Variants in LMNTD1 observed in about 807,000 individuals in gnomAD.
LMNTD1 encodes the protein lamin tail domain-containing protein 1.
Under a neutral mutation model 50.9 loss-of-function variants are expected in LMNTD1, and 35 were observed. That is an observed-to-expected ratio of 0.69 (90% CI 0.53 to 0.91). LMNTD1 has a LOEUF of 0.91. LMNTD1 is among the 40% of genes least tolerant of loss of function. The pLI, the probability that LMNTD1 is intolerant of heterozygous loss-of-function variation, is 0.00. For missense variants in LMNTD1, 470 were observed against 475.5 expected (o/e 0.99, Z 0.11); for synonymous variants, 153 against 161.9 (o/e 0.94, Z 0.42).
intron 1 of LMNTD1, among the ~76,000 whole-genome samples, chr12:25,560,587 A>G (rs1944262552): frequency 6.6e-6 from 1 of 152,138 alleles, no homozygotes; most frequent in Non-Finnish European, 1.5e-5. Flanking sequence ...GAAGAAAGTC[A>G]TTGGTAGCTT....
rs547005496 is a variant in LMNTD1 at position 25,483,802 on chromosome 12, C to T, written c.*23-7342G>A. On this transcript the variant is annotated intron_variant, in intron 9 of 9. Coordinates refer to ENST00000458174, the MANE Select transcript of LMNTD1 (RefSeq NM_001145728.2). ...AAAAAAAAAAAGAATGCATAGTTGA[C>T]GGTTAAAGCTTAAGTTCCTTGGGTA... 4.6e-5 allele frequency among the ~76,000 whole-genome samples: 7 copies of T among 151,292 alleles called. No homozygotes were observed. In the East Asian group the frequency reaches 7.7e-4, roughly 17 times the overall value.
chr12:25,610,952 TG>T (rs542731300), intron 1 of LMNTD1, among the ~76,000 whole-genome samples: 1 of 152,018 alleles, frequency 6.6e-6, no homozygotes, highest in South Asian at 2.1e-4. Flanking sequence ...GTCACAACTG[TG>T]GGGGTGAGAG....
intron 4 of LMNTD1, among the ~76,000 whole-genome samples, chr12:25,545,928 T>A (rs1014982725): frequency 5.3e-5 from 8 of 151,666 alleles, no homozygotes; most frequent in Admixed American, 5.3e-4. Context: ...TTTATTTTAG[T>A]CTTAATATCA....
chr12:25,487,277 T>G (rs9739487), intron 9 of LMNTD1, among the ~76,000 whole-genome samples: 19,075 of 115,098 alleles, frequency 0.17, 1,981 homozygotes, highest in Non-Finnish European at 0.2. Context: ...CGAAGTCTCT[T>G]TGTAGGTCAC....
chr12:25,556,435 ACCT>A (rs1365363009), upstream of LMNTD1, among the ~76,000 whole-genome samples: 2 of 152,152 alleles, frequency 1.3e-5, no homozygotes, highest in South Asian at 2.1e-4. Flanking sequence ...TATTAGAGAG[ACCT>A]CCTCACTGTA....
intron 1 of LMNTD1, among the ~76,000 whole-genome samples, chr12:25,565,544 T>C (rs1944522893): frequency 6.6e-6 from 1 of 152,086 alleles, no homozygotes; most frequent in South Asian, 2.1e-4. Context: ...TATTGTACTG[T>C]CTGTGTCATG....
rs1456875184 is a variant in LMNTD1, at chr12:25,538,731, T to C, written c.491+7643A>G. Among the ~76,000 whole-genome samples the C allele has an allele frequency of 7.5e-5, 8 of 106,276 alleles. No individual in the cohort carries two copies. The South Asian group carries it at 1.8e-3, about 24-fold the overall frequency. The allele number at this position is 106,276 out of a possible 152,430, so 69.7% of individuals were successfully genotyped here. On this transcript the variant is annotated intron_variant, in intron 4 of 9. Transcript: ENST00000458174. Reference sequence around the variant, plus strand: ...CAAATTCACACATAACACTATTAACTTTAAATGTAAATGGACTAAATGCCC... The same window carrying C: ...CAAATTCACACATAACACTATTAACCTTAAATGTAAATGGACTAAATGCCC...
chr12:25,494,753 G>T (rs560710330), intron 9 of LMNTD1, among the ~76,000 whole-genome samples: 2 of 152,146 alleles, frequency 1.3e-5, no homozygotes, highest in East Asian at 3.9e-4. Flanking sequence ...GTATTTTGAG[G>T]TATGTATACA....
chr12:25,479,894 C>T (rs1938391576), intron 9 of LMNTD1, among the ~76,000 whole-genome samples: 1 of 152,182 alleles, frequency 6.6e-6, no homozygotes, highest in Non-Finnish European at 1.5e-5. Flanking sequence ...AAATTGGGCA[C>T]TCAGCAGTGG....
intron 1 of LMNTD1, among the ~76,000 whole-genome samples, chr12:25,620,563 A>G (rs1385095918): frequency 2.0e-5 from 3 of 152,188 alleles, no homozygotes; most frequent in Admixed American, 2.0e-4. Context: ...GCCACATCAA[A>G]AACTCTGCTG....
intron 9 of LMNTD1, among the ~76,000 whole-genome samples, chr12:25,502,622 A>C (rs1939453091): frequency 6.6e-6 from 1 of 152,202 alleles, no homozygotes; most frequent in Admixed American, 6.5e-5. Context: ...GCCCTAAAGG[A>C]AAATGGTTGG....
At chr12:25,587,912 A>C (rs1945590144) in intron 1 of LMNTD1, among the ~76,000 whole-genome samples, 2 of 152,164 alleles carry the variant, frequency 1.3e-5, no homozygotes, top group South Asian at 4.1e-4. Flanking sequence ...TAACTCACTT[A>C]TGTATAATTG....
chr12:25,607,273 C>CA (rs567279478), intron 1 of LMNTD1, among the ~76,000 whole-genome samples: 3 of 152,050 alleles, frequency 2.0e-5, no homozygotes, highest in Non-Finnish European at 2.9e-5. Flanking sequence ...TTGATCTTTT[C>CA]AAAAAACCAG....
At chr12:25,545,189 A>C (rs543707609) in intron 4 of LMNTD1, among the ~76,000 whole-genome samples, 186 of 151,774 alleles carry the variant, frequency 1.2e-3, no homozygotes, top group African/African-American at 4.4e-3. Flanking sequence ...TGTTTGGGAA[A>C]GATTTTATCT....
At chr12:25,557,470 AAATAACTGTCT>A (rs978246991), upstream of LMNTD1, 2 of 152,178 alleles carry the variant, frequency 1.3e-5, no homozygotes, top group Non-Finnish European at 2.9e-5. Flanking sequence ...CAATAGTTCA[AAATAACTGTCT>A]AATTACTTTA....
chr12:25,641,843 C>A (rs1030170751), intron 1 of LMNTD1, among the ~76,000 whole-genome samples: 10 of 152,060 alleles, frequency 6.6e-5, no homozygotes, highest in Admixed American at 6.6e-4. Flanking sequence ...GCTTTCCCAT[C>A]CTAATTTTTT....
intron 1 of LMNTD1, among the ~76,000 whole-genome samples, chr12:25,583,037 G>A (rs1222404344): frequency 6.9e-6 from 1 of 145,326 alleles, no homozygotes; most frequent in East Asian, 2.1e-4. Context: ...TTTTTGAGAC[G>A]GAGTCTCGAT....
At chr12:25,527,868 AAAC>A (rs1370893499) in intron 4 of LMNTD1, among the ~76,000 whole-genome samples, 1 of 151,464 alleles carries the variant, frequency 6.6e-6, no homozygotes, top group African/African-American at 2.4e-5. Context: ...AATTTTTTTA[AAAC>A]ATATTTGAAG....
At chr12:25,638,249 CAG>C (rs1946878623) in intron 1 of LMNTD1, among the ~76,000 whole-genome samples, 1 of 152,008 alleles carries the variant, frequency 6.6e-6, no homozygotes, top group Non-Finnish European at 1.5e-5. Context: ...CGGTGAAAGA[CAG>C]AATGTTTTCC....
Sources: gnomAD v4.1 joint callset for allele counts (sites outside exome capture counted in the v4.1 genomes callset) on GRCh38, gnomAD v4.1.1 for gene constraint, MANE v1.5 for transcripts, NCBI Gene and HGNC (gene_info 2026-07-23, HGNC 2026-07-21) for gene names.